CR1: variants seen among roughly 807,000 people sequenced by gnomAD.
The protein encoded by CR1 is complement C3b/C4b receptor 1 (Knops blood group).
CR1 carries 116 observed loss-of-function variants against 187.3 expected under a neutral mutation model. The ratio of observed to expected loss-of-function variants is 0.62; its 90% CI spans 0.53 to 0.72. The LOEUF (loss-of-function observed/expected upper bound fraction) is 0.72, where lower values mean the gene tolerates loss of function less well. Among genes scored for constraint, CR1 ranks in the 30% least tolerant of loss-of-function variants. The pLI is 0.00. For synonymous variants in CR1, 576 were observed against 747.1 expected (o/e 0.77, Z 3.73); for missense variants, 1,731 against 2,110.7 (o/e 0.82, Z 3.52).
chr1:207,593,188 C>A (rs142375484), intron 35 of CR1, among the ~76,000 whole-genome samples: 13 of 151,580 alleles, frequency 8.6e-5, no homozygotes, highest in African/African-American at 3.2e-4. Context: ...GGAGGCACCA[C>A]GCTACATGAC....
chr1:207,519,073 C>G (rs1571512906), intron 4 of CR1, among the ~76,000 whole-genome samples: 2 of 152,156 alleles, frequency 1.3e-5, no homozygotes, highest in African/African-American at 4.8e-5. Flanking sequence ...AAATGTCTCT[C>G]TTTACCTCTC....
chr1:207,610,961 T>A (rs1466776328), intron 37 of CR1, among the ~76,000 whole-genome samples: 1 of 152,200 alleles, frequency 6.6e-6, no homozygotes, highest in African/African-American at 2.4e-5. Flanking sequence ...CTTTCATTTT[T>A]AAATGTACAA....
At chr1:207,511,096 A>T (rs1319527439) in intron 3 of CR1, among the ~76,000 whole-genome samples, 2 of 152,130 alleles carry the variant, frequency 1.3e-5, no homozygotes, top group Admixed American at 1.3e-4. Flanking sequence ...TGCTGGAATT[A>T]CAGGGGTGAG....
At chr1:207,628,834 A>G (rs1662560588) in intron 45 of CR1, among the ~76,000 whole-genome samples, 1 of 152,168 alleles carries the variant, frequency 6.6e-6, no homozygotes, top group African/African-American at 2.4e-5. Flanking sequence ...TTTCTAGAGA[A>G]CCGTATGCAA....
intron 35 of CR1, among the ~76,000 whole-genome samples, chr1:207,590,930 CAGG>C (rs1231844853): frequency 6.6e-6 from 1 of 152,182 alleles, no homozygotes; most frequent in Non-Finnish European, 1.5e-5. Flanking sequence ...GCACCCAATA[CAGG>C]AGCACCCAGA....
At chr1:207,564,866 G>T (rs1255767220) in intron 23 of CR1, among the ~76,000 whole-genome samples, 4 of 150,312 alleles carry the variant, frequency 2.7e-5, no homozygotes, top group Non-Finnish European at 5.9e-5. Flanking sequence ...AGGAAAAATT[G>T]CAAGTAATGA....
At chr1:207,501,560 T>G (rs1659270119) in intron 1 of CR1, among the ~76,000 whole-genome samples, 1 of 152,216 alleles carries the variant, frequency 6.6e-6, no homozygotes. Flanking sequence ...TGAAGGCTCA[T>G]ATATTCCTTT....
chr1:207,577,843 G>T lies in CR1; in HGVS notation c.4576G>T (p.Asp1526Tyr). 6.2e-7 allele frequency: 1 copy of T among 1,613,940 alleles called. No homozygotes were observed. The highest frequency in any genetic ancestry group is 8.5e-7 in the Non-Finnish European group (1 of 1,179,866). Residue 1526 changes from aspartate (D) to tyrosine (Y), a missense_variant, in exon 29 of 47, where the codon GAT (aspartate) becomes TAT (tyrosine). Physicochemically the swap from Asp to Tyr is radical, Grantham distance 160 (BLOSUM62 -3). Coordinates refer to ENST00000367049, the MANE Select transcript of CR1 (RefSeq NM_000651.6). ...CGLPPTIANGDFISTNRENFH... is the reference protein window; with the variant it reads ...CGLPPTIANGYFISTNRENFH... ...GCTACCCCCAACCATCGCCAATGGA[G>T]ATTTCATTAGCACCAACAGAGAGAA...
chr1:207,616,668 C>G lies in CR1; in HGVS notation c.6755C>G (p.Ala2252Gly). The G allele has an allele frequency of 6.2e-7, 1 of 1,613,984 alleles. No individual in the cohort carries two copies. Among genetic ancestry groups the G allele is most frequent in the Non-Finnish European group, 8.5e-7 (1 of 1,179,862 alleles). ...DIPYGKEISYACDTHPDRGMT... is the reference protein window; with the variant it reads ...DIPYGKEISYGCDTHPDRGMT... ...CCCTATGGAAAAGAAATATCTTACG[C>G]ATGCGACACCCACCCAGACAGAGGG... The change falls in exon 41 of 47, where the codon GCA (alanine) becomes GGA (glycine). Residue 2252 changes from alanine (A) to glycine (G), a missense_variant. Transcript: ENST00000367049.
At chr1:207,511,761 C>G (rs76041657) in intron 4 of CR1, 107 bp downstream of exon 4, 1 of 1,040,142 alleles carries the variant, frequency 9.6e-7, no homozygotes, top group South Asian at 1.5e-5. Flanking sequence ...GTCCTTCACA[C>G]GGCTGAAGAC....
chr1:207,500,622 G>A (rs187647872), intron 1 of CR1, among the ~76,000 whole-genome samples: 14 of 152,170 alleles, frequency 9.2e-5, no homozygotes, highest in Admixed American at 5.9e-4. Context: ...AAGATTGACC[G>A]AGCCAAGTGT....
chr1:207,577,505 C>G (rs1411039582), intron 28 of CR1, among the ~76,000 whole-genome samples: 1 of 152,158 alleles, frequency 6.6e-6, no homozygotes, highest in African/African-American at 2.4e-5. Flanking sequence ...CACGGTGGCT[C>G]ACGCTTATAA....
chr1:207,506,017 G>A lies in CR1; in HGVS notation c.235G>A (p.Gly79Arg), dbSNP rs773894177. ...LNYECRPGYS[G>R]RPFSIICLKN... ...CTATGAATGCCGCCCTGGTTATTCC[G>A]GAAGACCGTTTTCTATCATCTGCCT... Residue 79 changes from glycine (G) to arginine (R), a missense_variant, in exon 2 of 47, where the codon GGA becomes AGA. Physicochemically the swap from Gly to Arg is moderately radical, Grantham distance 125 (BLOSUM62 -2). Transcript: ENST00000367049. The A allele has an allele frequency of 1.2e-5, 19 of 1,613,732 alleles. No individual in the cohort carries two copies. Among genetic ancestry groups the A allele is most frequent in the African/African-American group, 2.7e-5 (2 of 74,876 alleles).
At chr1:207,587,015 T>C (rs908145079) in intron 33 of CR1, among the ~76,000 whole-genome samples, 1 of 152,064 alleles carries the variant, frequency 6.6e-6, no homozygotes, top group African/African-American at 2.4e-5. Context: ...TGGAGAGAGA[T>C]GATAAAATAT....
At chr1:207,566,880 A>G (rs760978110) in intron 24 of CR1, among the ~76,000 whole-genome samples, 1 of 150,222 alleles carries the variant, frequency 6.7e-6, no homozygotes, top group Non-Finnish European at 1.5e-5. Context: ...TGTTAGAAAT[A>G]TACTTGGACA....
chr1:207,615,168 T>C (rs1662056503), intron 40 of CR1, among the ~76,000 whole-genome samples: 2 of 152,198 alleles, frequency 1.3e-5, no homozygotes, highest in Admixed American at 1.3e-4. Context: ...GCTTGTTTTT[T>C]AGCCTGCAGT....
In CR1 at chr1:207,525,848, T is replaced by C. The variant is rs1321083745; in HGVS notation, c.887-905T>C. Among the ~76,000 whole-genome samples the C allele has an allele frequency of 2.0e-5, 3 of 151,896 alleles. No homozygotes were observed. The East Asian group carries it at 5.8e-4, about 29-fold the overall frequency. On this transcript the variant is annotated intron_variant, in intron 5 of 46. Coordinates refer to ENST00000367049, the MANE Select transcript of CR1 (RefSeq NM_000651.6). ...GAAAATGGACATTACAGCATCAGAGTATTTACAAACTCCCTAAAGAAGTCA... is the reference window on the plus strand; with the variant it reads ...GAAAATGGACATTACAGCATCAGAGCATTTACAAACTCCCTAAAGAAGTCA...
At chr1:207,513,753 TCCC>T (rs1659696985) in intron 4 of CR1, among the ~76,000 whole-genome samples, 11 of 72,984 alleles carry the variant, frequency 1.5e-4, no homozygotes, top group Admixed American at 1.4e-3. Flanking sequence ...CCTCCCTCCC[TCCC>T]TCCCTCCCTT....
Position 207,630,592 on chromosome 1 carries a change from A to G in CR1, c.7428A>G (p.Arg2476=), listed in dbSNP as rs1662611263. 1 of 1,608,080 alleles carries G rather than the reference A, an allele frequency of 6.2e-7. No individual in the cohort carries two copies. The highest frequency in any genetic ancestry group is 8.5e-7 in the Non-Finnish European group (1 of 1,177,646). Residue 2476 remains arginine (R), a synonymous_variant, in exon 46 of 47, where the codon CGA becomes CGG. Transcript: ENST00000367049. ...AAGGAGGCAGCAGCGTTCATCCCCG[A>G]ACTCTGCAAACAAATGAAGAAAATA... ...HSQGGSSVHP[R]TLQTNEENSR...
Sources: allele counts gnomAD v4.1 joint callset (sites outside exome capture counted in the v4.1 genomes callset), GRCh38; gene constraint gnomAD v4.1.1; transcripts MANE v1.5; gene names NCBI Gene and HGNC (gene_info 2026-07-23, HGNC 2026-07-21).